CORO2B: variants seen among roughly 807,000 people sequenced by gnomAD.
CORO2B encodes the protein coronin 2B.
CORO2B carries 26 observed loss-of-function variants against 58.8 expected under a neutral mutation model. The observed-to-expected ratio is 0.44, with a 90% confidence interval of 0.32 to 0.61. The LOEUF is 0.61. CORO2B is among the 20% of genes least tolerant of loss of function. The pLI, the probability that CORO2B is intolerant of heterozygous loss-of-function variation, is 0.04. For missense variants in CORO2B, 460 were observed against 645.1 expected, an observed-to-expected ratio of 0.71 and a Z score of 3.11; for synonymous variants, 242 against 253.8, an observed-to-expected ratio of 0.95 and a Z score of 0.44.
chr15:68,719,594 C>A, intron 11 of CORO2B, 42 bp downstream of exon 11: 1 of 1,580,820 alleles, frequency 6.3e-7, no homozygotes, highest in Non-Finnish European at 8.6e-7. Context: ...CCTGGAAGAG[C>A]AAGACCTTTA....
rs898736988 is a variant in CORO2B, at chr15:68,675,411, C to A, written c.217-19729C>A. On this transcript the variant is annotated intron_variant, in intron 2 of 11. Coordinates refer to ENST00000261861, the MANE Select transcript of CORO2B (RefSeq NM_006091.5). ...GCTCACCTTCCCAGGGAAAGTAAAG[C>A]CTCTGAGGGCAGGAATAGCATCTTC... Among the ~76,000 whole-genome samples, 4 of 152,078 alleles carry A rather than the reference C, an allele frequency of 2.6e-5. No individual in the cohort carries two copies. In the East Asian group the frequency reaches 7.7e-4, roughly 29 times the overall value.
chr15:68,624,525 C>G (rs894495134), intron 1 of CORO2B, among the ~76,000 whole-genome samples: 1 of 152,168 alleles, frequency 6.6e-6, no homozygotes, highest in African/African-American at 2.4e-5. Flanking sequence ...TTAGGAACTA[C>G]CGTCCCTTGG....
chr15:68,626,852 C>G (rs377603518), intron 1 of CORO2B, among the ~76,000 whole-genome samples: 51 of 152,268 alleles, frequency 3.3e-4, no homozygotes, highest in African/African-American at 1.2e-3. Context: ...GCCCCAGCCC[C>G]CAGGCACCTC....
intron 1 of CORO2B, among the ~76,000 whole-genome samples, chr15:68,584,847 G>A (rs1899512118): frequency 6.6e-6 from 1 of 152,100 alleles, no homozygotes; most frequent in South Asian, 2.1e-4. Flanking sequence ...GGCAGGCCTT[G>A]CCAGGGAAGG....
chr15:68,528,702 T>TC, the CORO2B span, among the ~76,000 whole-genome samples: 13,449 of 150,486 alleles, frequency 0.089, 671 homozygotes, highest in Middle Eastern at 0.16. Flanking sequence ...TTTTTTTTTT[T>TC]TTTGAATTGG....
intron 1 of CORO2B, among the ~76,000 whole-genome samples, chr15:68,643,862 A>C (rs559516386): frequency 2.0e-5 from 3 of 152,128 alleles, no homozygotes; most frequent in Admixed American, 1.3e-4. Context: ...ACATGGTGAA[A>C]TCTGTCTCTA....
intron 2 of CORO2B, among the ~76,000 whole-genome samples, chr15:68,676,933 G>A (rs2140299467): frequency 6.6e-6 from 1 of 152,172 alleles, no homozygotes; most frequent in East Asian, 1.9e-4. Context: ...CACCATGCCT[G>A]GCTAATTTTT....
chr15:68,650,504 T>C (rs1262742475), intron 2 of CORO2B, among the ~76,000 whole-genome samples: 1 of 151,996 alleles, frequency 6.6e-6, no homozygotes, highest in Non-Finnish European at 1.5e-5. Flanking sequence ...CCCAGCTACT[T>C]GGGAGGCTGA....
At chr15:68,543,538 C>A in the CORO2B span, among the ~76,000 whole-genome samples, 1 of 152,180 alleles carries the variant, frequency 6.6e-6, no homozygotes. Context: ...CCTCCTTCCT[C>A]CTCCCACCCC....
intron 1 of CORO2B, among the ~76,000 whole-genome samples, chr15:68,601,933 C>T (rs1899993950): frequency 6.6e-6 from 1 of 152,040 alleles, no homozygotes; most frequent in African/African-American, 2.4e-5. Flanking sequence ...AGAGCTGCAT[C>T]CTCCAGAGGG....
chr15:68,643,443 T>C (rs1901321879), intron 1 of CORO2B, among the ~76,000 whole-genome samples: 1 of 152,194 alleles, frequency 6.6e-6, no homozygotes, highest in Admixed American at 6.5e-5. Flanking sequence ...AGCATGACTT[T>C]ATCCAGACAG....
chr15:68,569,984 G>C, the CORO2B span, among the ~76,000 whole-genome samples: 1 of 152,186 alleles, frequency 6.6e-6, no homozygotes, highest in African/African-American at 2.4e-5. Flanking sequence ...GGTCAGTGGG[G>C]TCTGTGGCCT....
At chr15:68,646,374 T>C (rs546153965) in intron 2 of CORO2B, among the ~76,000 whole-genome samples, 3 of 152,136 alleles carry the variant, frequency 2.0e-5, no homozygotes, top group South Asian at 2.1e-4. Context: ...CTCCGCCAAA[T>C]CGCTCAGGGG....
At chr15:68,520,826 A>G in the CORO2B span, among the ~76,000 whole-genome samples, 3 of 152,174 alleles carry the variant, frequency 2.0e-5, no homozygotes, top group Non-Finnish European at 4.4e-5. Flanking sequence ...CGGGTGGATC[A>G]CCTGAGGTCA....
At chr15:68,613,468 A>C (rs573209242) in intron 1 of CORO2B, among the ~76,000 whole-genome samples, 9 of 152,150 alleles carry the variant, frequency 5.9e-5, no homozygotes, top group African/African-American at 1.9e-4. Context: ...CTTTCTCTCT[A>C]TGTGGCAAAG....
intron 2 of CORO2B, among the ~76,000 whole-genome samples, chr15:68,665,886 C>G (rs1595999398): frequency 6.6e-6 from 1 of 151,590 alleles, no homozygotes; most frequent in Non-Finnish European, 1.5e-5. Flanking sequence ...GATAATTCTC[C>G]TCTTCATTTA....
At chr15:68,714,506 A>C in intron 6 of CORO2B, 53 bp from the exon 7 acceptor site, 1 of 1,384,814 alleles carries the variant, frequency 7.2e-7, no homozygotes, top group Non-Finnish European at 1.0e-6. Context: ...GGATTTGGGG[A>C]GGGGTATGCC....
chr15:68,726,086 GCCTGA>G lies in CORO2B; in HGVS notation c.*113_*117del. 2 of 1,391,828 alleles carry G rather than the reference GCCTGA, an allele frequency of 1.4e-6. No homozygotes were observed. The highest frequency in any genetic ancestry group is 2.0e-6 in the Non-Finnish European group (2 of 1,025,436). The allele number at this position is 1,391,828 out of a possible 1,614,324, so 86.2% of individuals were successfully genotyped here. ...AGAGCCAGGACAGGAGTGGGGGCCAGCCTGAGGACCCCCGCCTACCACCTCGAGAA... is the reference window on the plus strand; with the variant it reads ...AGAGCCAGGACAGGAGTGGGGGCCAGGGACCCCCGCCTACCACCTCGAGAA... On this transcript the variant is annotated 3_prime_UTR_variant, in exon 12 of 12. Coordinates refer to ENST00000261861, the MANE Select transcript of CORO2B (RefSeq NM_006091.5).
At chr15:68,527,807 C>G in the CORO2B span, among the ~76,000 whole-genome samples, 1 of 152,144 alleles carries the variant, frequency 6.6e-6, no homozygotes, top group Admixed American at 6.5e-5. Flanking sequence ...TAAAATTTCT[C>G]TCAGCAGTAT....
Sources: gnomAD v4.1 joint callset for allele counts (sites outside exome capture counted in the v4.1 genomes callset) on GRCh38, gnomAD v4.1.1 for gene constraint, MANE v1.5 for transcripts, NCBI Gene and HGNC (gene_info 2026-07-23, HGNC 2026-07-21) for gene names.